The following CNTN4 variants were observed in gnomAD, a reference collection of about 807,000 sequenced individuals.
CNTN4 encodes contactin-4.
CNTN4 carries 77 observed loss-of-function variants against 122.5 expected under a neutral mutation model. That is an observed-to-expected ratio of 0.63 (90% CI 0.52 to 0.76). The LOEUF is 0.76. Ranked by LOEUF, CNTN4 falls within the 30% of genes least tolerant of loss-of-function variation. CNTN4 has a pLI of 0.00. For missense variants in CNTN4, 1,256 were observed against 1,259.1 expected, an observed-to-expected ratio of 1.00 and a Z score of 0.04; for synonymous variants, 512 against 447.0, an observed-to-expected ratio of 1.15 and a Z score of -1.83.
At chr3:2,441,895 A>G (rs2048456085) in intron 3 of CNTN4, among the ~76,000 whole-genome samples, 1 of 152,178 alleles carries the variant, frequency 6.6e-6, no homozygotes, top group Admixed American at 6.5e-5. Context: ...AACTGTGAAA[A>G]TGTAATCATT....
chr3:2,609,248 G>A (rs975415025), intron 4 of CNTN4, among the ~76,000 whole-genome samples: 15 of 152,148 alleles, frequency 9.9e-5, no homozygotes, highest in African/African-American at 2.2e-4. Context: ...ATGTGCCCTC[G>A]TGAATGGATT....
At chr3:2,489,223 A>T (rs1161123513) in intron 3 of CNTN4, among the ~76,000 whole-genome samples, 2 of 152,200 alleles carry the variant, frequency 1.3e-5, no homozygotes, top group African/African-American at 4.8e-5. Flanking sequence ...CCCTCTCAAC[A>T]AAAGACATTA....
chr3:2,100,806 G>A (rs1176422431), intron 2 of CNTN4, among the ~76,000 whole-genome samples, 167 bp downstream of exon 2: 1 of 152,094 alleles, frequency 6.6e-6, no homozygotes, highest in African/African-American at 2.4e-5. Context: ...TGTTGAAGCT[G>A]GTTTCAACTG....
chr3:2,803,593 T>A (rs2150077035), intron 6 of CNTN4, among the ~76,000 whole-genome samples: 1 of 150,516 alleles, frequency 6.6e-6, no homozygotes, highest in East Asian at 2.0e-4. Context: ...AGAGCCTCGC[T>A]CTGTCGCCCA....
rs565615969 is a variant in CNTN4 at position 3,036,791 on chromosome 3, A to G, written c.1943-388A>G. On this transcript the variant is annotated intron_variant, in intron 17 of 24. Coordinates refer to ENST00000418658, the MANE Select transcript of CNTN4 (RefSeq NM_175607.3). ...GACCCTGTCTCAAAAAAAGAAAAAA[A>G]AAAAGAAAAGAAAAAAAGAATATAA... Among the ~76,000 whole-genome samples, 440 of 152,132 alleles carry G rather than the reference A, an allele frequency of 2.9e-3. 1 individual carries two copies. The highest frequency in any genetic ancestry group is 5.0e-3 in the Non-Finnish European group (343 of 67,994).
intron 14 of CNTN4, among the ~76,000 whole-genome samples, chr3:3,020,389 C>G (rs1293738325): frequency 6.6e-6 from 1 of 152,196 alleles, no homozygotes; most frequent in African/African-American, 2.4e-5. Context: ...CAACAATGCA[C>G]TAGCTTAATG....
intron 4 of CNTN4, among the ~76,000 whole-genome samples, chr3:2,594,856 A>G (rs144100984): frequency 1.3e-5 from 2 of 152,148 alleles, no homozygotes; most frequent in East Asian, 1.9e-4. Flanking sequence ...TTTCTTATTC[A>G]TTTTCAAAAA....
intron 3 of CNTN4, among the ~76,000 whole-genome samples, chr3:2,518,345 C>A (rs2077099570): frequency 6.6e-6 from 1 of 151,968 alleles, no homozygotes. Flanking sequence ...TTTTCCAAAT[C>A]ATTTTCGTAA....
chr3:2,374,424 AAGAGT>A (rs2045745556), intron 3 of CNTN4, among the ~76,000 whole-genome samples: 1 of 152,236 alleles, frequency 6.6e-6, no homozygotes, highest in African/African-American at 2.4e-5. Context: ...TGTGTATATT[AAGAGT>A]TTAACTTAAA....
chr3:2,311,677 G>C (rs994437388), intron 2 of CNTN4, among the ~76,000 whole-genome samples: 3 of 152,086 alleles, frequency 2.0e-5, no homozygotes, highest in African/African-American at 7.2e-5. Context: ...AGAGTAGTTT[G>C]TAGTGTGCAT....
chr3:2,120,528 G>A (rs1574869917), intron 2 of CNTN4, among the ~76,000 whole-genome samples: 1 of 149,924 alleles, frequency 6.7e-6, no homozygotes, highest in Non-Finnish European at 1.5e-5. Context: ...TCAGCCTCCC[G>A]AGTAGCTGGG....
chr3:2,202,147 T>G (rs1371952266), intron 2 of CNTN4, among the ~76,000 whole-genome samples: 1 of 152,140 alleles, frequency 6.6e-6, no homozygotes, highest in Non-Finnish European at 1.5e-5. Flanking sequence ...ACCAAAGAAT[T>G]GCTGTTTCTA....
intron 2 of CNTN4, among the ~76,000 whole-genome samples, chr3:2,270,529 T>G (rs1399129473): frequency 6.6e-6 from 1 of 152,078 alleles, no homozygotes; most frequent in Non-Finnish European, 1.5e-5. Flanking sequence ...CAGGAGTACT[T>G]GTTATGACCT....
At chr3:2,542,505 G>A (rs1279483114) in intron 3 of CNTN4, among the ~76,000 whole-genome samples, 3 of 152,106 alleles carry the variant, frequency 2.0e-5, no homozygotes, top group Non-Finnish European at 4.4e-5. Context: ...CAGGATTTAA[G>A]CTTCTGCATT....
At chr3:2,883,958 A>T (rs1345483591) in intron 9 of CNTN4, among the ~76,000 whole-genome samples, 1 of 152,226 alleles carries the variant, frequency 6.6e-6, no homozygotes, top group Non-Finnish European at 1.5e-5. Flanking sequence ...ATAAACTATT[A>T]TCTGAAGTGA....
intron 14 of CNTN4, among the ~76,000 whole-genome samples, chr3:3,008,806 C>T (rs878949419): frequency 5.3e-5 from 8 of 152,212 alleles, no homozygotes; most frequent in East Asian, 1.9e-4. Context: ...CAATTTAAAA[C>T]GCAACTACTT....
chr3:2,102,492 G>C (rs1333414448), intron 2 of CNTN4, among the ~76,000 whole-genome samples: 1 of 152,144 alleles, frequency 6.6e-6, no homozygotes, highest in Non-Finnish European at 1.5e-5. Context: ...AAGGGATACT[G>C]CCTCAGATGT....
intron 3 of CNTN4, among the ~76,000 whole-genome samples, chr3:2,546,175 C>G (rs1046020342): frequency 6.6e-6 from 1 of 151,904 alleles, no homozygotes; most frequent in Non-Finnish European, 1.5e-5. Context: ...GGTTATATAC[C>G]CAAATGAATA....
intron 2 of CNTN4, among the ~76,000 whole-genome samples, chr3:2,126,721 A>G (rs1343071733): frequency 6.6e-6 from 1 of 152,198 alleles, no homozygotes; most frequent in Non-Finnish European, 1.5e-5. Flanking sequence ...ACCTGTTTGA[A>G]AACTCATCAA....
Sources: gnomAD v4.1 joint callset for allele counts (sites outside exome capture counted in the v4.1 genomes callset) on GRCh38, gnomAD v4.1.1 for gene constraint, MANE v1.5 for transcripts, NCBI Gene and HGNC (gene_info 2026-07-23, HGNC 2026-07-21) for gene names.